The following TBC1D2 variants were observed in gnomAD, a reference collection of about 807,000 sequenced individuals.
The protein encoded by TBC1D2 is TBC1 domain family member 2, also known as TBC1 domain family member 2A.
Under a neutral mutation model 91.1 loss-of-function variants are expected in TBC1D2, and 58 were observed. The observed-to-expected ratio is 0.64, with a 90% CI of 0.52 to 0.79. The LOEUF (loss-of-function observed/expected upper bound fraction) is 0.79. Ranked by LOEUF, TBC1D2 falls within the 30% of genes least tolerant of loss-of-function variation. The probability of loss-of-function intolerance (pLI) is 0.00; values close to 1 mark genes in which losing one functional copy is unlikely to be tolerated. For missense variants in TBC1D2, 1,080 were observed against 1,208.3 expected, an observed-to-expected ratio of 0.89 and a Z score of 1.57; for synonymous variants, 482 against 511.5, an observed-to-expected ratio of 0.94 and a Z score of 0.78.
intron 2 of TBC1D2, among the ~76,000 whole-genome samples, chr9:98,251,185 G>A (rs773746399): frequency 6.6e-6 from 1 of 151,984 alleles, no homozygotes; most frequent in Non-Finnish European, 1.5e-5. Context: ...AGGCTGCCTC[G>A]GGAGGCTGAG....
At chr9:98,212,409 C>A (rs1416811666) in intron 7 of TBC1D2, among the ~76,000 whole-genome samples, 1 of 152,114 alleles carries the variant, frequency 6.6e-6, no homozygotes, top group Non-Finnish European at 1.5e-5. Context: ...TTAACTCATC[C>A]TTAGGACTCA....
rs773945930 is a variant in TBC1D2, at chr9:98,221,213, G to A, written c.994C>T (p.Leu332=). The A allele has an allele frequency of 6.5e-7, 1 of 1,547,202 alleles. No homozygotes were observed. The highest frequency in any genetic ancestry group is 8.7e-7 in the Non-Finnish European group (1 of 1,143,460). The change falls in exon 6 of 13, where the codon CTG becomes TTG. Residue 332 remains leucine (L), a synonymous_variant. Coordinates refer to ENST00000465784, the MANE Select transcript of TBC1D2 (RefSeq NM_001267571.2). ...TGGGCGGCCTCCAGTGCCTTGTGCA[G>A]GATCTTCACTAGCTCCTGGGCAGGG... ...LKSQKELVKI[L]HKALEAAQQE... is the part of the protein sequence containing the mutation.
chr9:98,213,339 C>G (rs1828896993), intron 6 of TBC1D2, 121 bp from the exon 7 acceptor site: 1 of 1,510,060 alleles, frequency 6.6e-7, no homozygotes, highest in African/African-American at 1.4e-5. Context: ...ATAATGGCAA[C>G]AGAAGAGGAA....
Position 98,199,074 on chromosome 9 carries a change from G to T in TBC1D2, c.*307C>A. 1.9e-6 allele frequency: 1 copy of T among 539,796 alleles called. No individual in the cohort carries two copies. Among genetic ancestry groups the T allele is most frequent in the East Asian group, 3.2e-5 (1 of 31,614 alleles). The allele number at this position is 539,796 out of a possible 1,614,324, so 33.4% of individuals were successfully genotyped here. ...CATTGTTTTATATTGATATAACCTA[G>T]AGAATGTTCCAGGTTACCCTATAGA... On this transcript the variant is annotated 3_prime_UTR_variant, in exon 13 of 13. Transcript: ENST00000465784.
At chr9:98,223,790 G>A (rs1397922031) in intron 5 of TBC1D2, among the ~76,000 whole-genome samples, 2 of 152,220 alleles carry the variant, frequency 1.3e-5, no homozygotes, top group African/African-American at 2.4e-5. Context: ...TTAAAAGAAC[G>A]GAACCAGGGC....
chr9:98,216,173 G>C (rs1003337011), intron 6 of TBC1D2, among the ~76,000 whole-genome samples: 1 of 152,206 alleles, frequency 6.6e-6, no homozygotes, highest in Non-Finnish European at 1.5e-5. Context: ...ACCTCATGTG[G>C]CTGGGAGAGG....
intron 1 of TBC1D2, 59 bp from the exon 2 acceptor site, chr9:98,251,985 A>G (rs2131300865): frequency 6.5e-7 from 1 of 1,547,502 alleles, no homozygotes. Flanking sequence ...CACTGGGTGC[A>G]GGAAGAGGGG....
intron 4 of TBC1D2, among the ~76,000 whole-genome samples, chr9:98,232,255 C>T (rs916875632): frequency 2.6e-5 from 4 of 151,730 alleles, no homozygotes; most frequent in Admixed American, 2.6e-4. Context: ...CTGGCCTTCT[C>T]TTGGACTGCT....
Position 98,255,640 on chromosome 9 carries a change from G to A in TBC1D2, c.-99C>T, listed in dbSNP as rs181587490. 150 of 1,357,200 alleles carry A rather than the reference G, an allele frequency of 1.1e-4. 1 individual carries two copies. In the African/African-American group the frequency reaches 2.0e-3, roughly 18 times the overall value. The allele number at this position is 1,357,200 out of a possible 1,614,324, so 84.1% of individuals were successfully genotyped here. A position where few individuals can be genotyped will look rare whatever the true frequency, so the allele number is the denominator to read the frequency against. ...GGCAGCTTCCCAAAGGGAGACACCT[G>A]GGCGGGGGCGGGGCCGACGGCGAAC... On this transcript the variant is annotated 5_prime_UTR_variant, in exon 1 of 13. Transcript: ENST00000465784.
chr9:98,243,379 T>A (rs887150262), intron 3 of TBC1D2, among the ~76,000 whole-genome samples: 8 of 152,118 alleles, frequency 5.3e-5, no homozygotes, highest in Admixed American at 2.0e-4. Context: ...TTAAAAAAAA[T>A]ACTTTACTTA....
chr9:98,255,454 G>A lies in TBC1D2; in HGVS notation c.88C>T (p.Pro30Ser), dbSNP rs199544260. 2.2e-5 allele frequency: 35 copies of A among 1,599,498 alleles called. No homozygotes were observed. The highest frequency in any genetic ancestry group is 2.8e-5 in the Non-Finnish European group (33 of 1,171,006). Residue 30 changes from proline (P) to serine (S), a missense_variant, in exon 1 of 13, where the codon CCG (proline) becomes TCG (serine). Physicochemically the swap from Pro to Ser is moderately conservative, Grantham distance 74 (BLOSUM62 -1). Coordinates refer to ENST00000465784, the MANE Select transcript of TBC1D2 (RefSeq NM_001267571.2). ...ESARDPQVPP[P>S]EEESGDCARS... ...GCGCAGTCCCCCGATTCTTCCTCCG[G>A]AGGCGGCACCTGTGGATCCCTGGCA... is the stretch of plus-strand genomic sequence containing the variant.
At chr9:98,231,471 AAC>A (rs1241859789) in intron 4 of TBC1D2, among the ~76,000 whole-genome samples, 3 of 152,116 alleles carry the variant, frequency 2.0e-5, no homozygotes, top group African/African-American at 7.2e-5. Context: ...AACACCGTTT[AAC>A]ACAGTTTAAC....
intron 4 of TBC1D2, among the ~76,000 whole-genome samples, chr9:98,231,765 C>T (rs1308422124): frequency 6.6e-6 from 1 of 152,140 alleles, no homozygotes; most frequent in Admixed American, 6.5e-5. Context: ...ATGAGGATAA[C>T]AACAATATAT....
intron 5 of TBC1D2, among the ~76,000 whole-genome samples, chr9:98,225,786 G>A (rs12377020): frequency 6.6e-6 from 1 of 152,234 alleles, no homozygotes; most frequent in Non-Finnish European, 1.5e-5. Context: ...CCCACTAGAT[G>A]GTGAGGTGCC....
chr9:98,232,291 G>A (rs1259678642), intron 4 of TBC1D2, among the ~76,000 whole-genome samples: 2 of 151,084 alleles, frequency 1.3e-5, no homozygotes, highest in Non-Finnish European at 2.9e-5. Flanking sequence ...GGCTCTGCCA[G>A]GCACTGACTG....
At chr9:98,225,135 G>A (rs895477874) in intron 5 of TBC1D2, among the ~76,000 whole-genome samples, 1 of 152,226 alleles carries the variant, frequency 6.6e-6, no homozygotes, top group Non-Finnish European at 1.5e-5. Flanking sequence ...CCAGAGGGCC[G>A]CAGGCAGGGT....
intron 6 of TBC1D2, among the ~76,000 whole-genome samples, chr9:98,216,266 C>T (rs1378001262): frequency 1.3e-5 from 2 of 152,196 alleles, no homozygotes; most frequent in African/African-American, 4.8e-5. Context: ...CATCGTCTCC[C>T]TCACTGAGTT....
At chr9:98,207,694 A>G (rs894487911) in intron 9 of TBC1D2, among the ~76,000 whole-genome samples, 3 of 152,240 alleles carry the variant, frequency 2.0e-5, no homozygotes, top group African/African-American at 7.2e-5. Flanking sequence ...TAAATGTCCA[A>G]TGAATGAATG....
At position 98,232,187 on chromosome 9, in the gene TBC1D2, C is replaced by T. The variant is rs538644026; in HGVS notation, c.781+1229G>A. ...TGTTGCCAAAAAAAATGCTTACTGCCGCACTGGCATGAAGTAACTGCTAGT... is the reference window on the plus strand; with the variant it reads ...TGTTGCCAAAAAAAATGCTTACTGCTGCACTGGCATGAAGTAACTGCTAGT... On this transcript the variant is annotated intron_variant, in intron 4 of 12. Coordinates refer to ENST00000465784, the MANE Select transcript of TBC1D2 (RefSeq NM_001267571.2). 2.3e-4 allele frequency among the ~76,000 whole-genome samples: 35 copies of T among 152,070 alleles called. 1 individual carries two copies. Among genetic ancestry groups the T allele is most frequent in the Admixed American group, 4.6e-4 (7 of 15,286 alleles).
Sources: gnomAD v4.1 joint callset for allele counts (sites outside exome capture counted in the v4.1 genomes callset) on GRCh38, gnomAD v4.1.1 for gene constraint, MANE v1.5 for transcripts, NCBI Gene and HGNC (gene_info 2026-07-23, HGNC 2026-07-21) for gene names.